The following TBCD variants were observed in gnomAD, a reference collection of about 807,000 sequenced individuals.
The protein encoded by TBCD is tubulin folding cofactor D, also known as tubulin-specific chaperone D.
In TBCD, 105 loss-of-function variants were observed where a neutral mutation model predicts 169.3. The observed-to-expected ratio is 0.62, with a 90% CI of 0.53 to 0.73. The LOEUF (loss-of-function observed/expected upper bound fraction) is 0.73. TBCD is among the 30% of genes least tolerant of loss of function. The pLI is 0.00. For synonymous variants in TBCD, 700 were observed against 643.9 expected (o/e 1.09, Z -1.32); for missense variants, 1,444 against 1,600.1 (o/e 0.90, Z 1.66).
In TBCD at chr17:82,832,394, T is replaced by C; in HGVS notation, c.1318+17460T>C. 6.2e-7 allele frequency: 1 copy of C among 1,614,206 alleles called. No homozygotes were observed. The highest frequency in any genetic ancestry group is 8.5e-7 in the Non-Finnish European group (1 of 1,180,030). On this transcript the variant is annotated intron_variant, in intron 13 of 38. Coordinates refer to ENST00000355528, the MANE Select transcript of TBCD (RefSeq NM_005993.5). The surrounding 1 kb of genome is among the most constrained non-coding windows in gnomAD (Gnocchi z 4.9). ...TGGAAACATTTATACTTGAAGGGCT[T>C]TCCTGGAGGCCTGGGGATGTAATGT...
At chr17:82,798,248 G>T (rs578250888) in intron 8 of TBCD, among the ~76,000 whole-genome samples, 1 of 151,442 alleles carries the variant, frequency 6.6e-6, no homozygotes, top group South Asian at 2.1e-4. Flanking sequence ...CTGGATTCAC[G>T]CCATTCTCCT....
intron 14 of TBCD, among the ~76,000 whole-genome samples, chr17:82,878,433 G>A (rs950255700): frequency 3.3e-5 from 5 of 152,124 alleles, no homozygotes; most frequent in African/African-American, 1.2e-4. Context: ...CCTGCTTTCC[G>A]CCCCTGTGGA....
At position 82,915,793 on chromosome 17, in the gene TBCD, A is replaced by G. The variant is rs113755478; in HGVS notation, c.2038+4004A>G. On this transcript the variant is annotated intron_variant, in intron 23 of 38. Coordinates refer to ENST00000355528, the MANE Select transcript of TBCD (RefSeq NM_005993.5). The surrounding 1 kb of genome is among the most constrained non-coding windows in gnomAD (Gnocchi z 4.3). ...TCATGCCGAAGACGGGAGGGAAACC[A>G]GAGGGACTGGTGAGCCTTGAGTCGG... is the stretch of plus-strand genomic sequence containing the variant. Among the ~76,000 whole-genome samples, 1,067 of 152,286 alleles carry G rather than the reference A, an allele frequency of 7.0e-3. 19 individuals are homozygous for G. Among genetic ancestry groups the G allele is most frequent in the African/African-American group, 0.024 (992 of 41,556 alleles).
intron 13 of TBCD, among the ~76,000 whole-genome samples, chr17:82,846,443 C>T (rs1415307726): frequency 6.7e-6 from 1 of 150,296 alleles, no homozygotes; most frequent in East Asian, 2.0e-4. Flanking sequence ...GTTTCCCCTT[C>T]CCCTTCCTTT....
chr17:82,925,110 T>A, intron 27 of TBCD, 53 bp downstream of exon 27: 1 of 1,400,710 alleles, frequency 7.1e-7, no homozygotes, highest in Non-Finnish European at 9.8e-7. Flanking sequence ...TGTGGGAGCC[T>A]CGTGTGTTGG....
chr17:82,786,752 G>A (rs1041126860), intron 7 of TBCD, among the ~76,000 whole-genome samples: 1 of 152,110 alleles, frequency 6.6e-6, no homozygotes, highest in Non-Finnish European at 1.5e-5. Flanking sequence ...AGTCCTTCTC[G>A]GCTTGGGAGG....
In TBCD at chr17:82,752,308, C is replaced by G. The variant is rs543962889; in HGVS notation, c.115C>G (p.Leu39Val). 429 of 1,492,300 alleles carry G rather than the reference C, an allele frequency of 2.9e-4. 1 individual carries two copies. The African/African-American group carries it at 5.6e-3, about 19-fold the overall frequency. 92.4% of individuals were successfully genotyped at this position (1,492,300 alleles called of 1,614,324 possible). ...AFGESAETRA[L>V]LGRLREVHGG... The stretch of plus-strand genomic sequence containing the variant: ...CGGCGAGAGCGCGGAGACCCGGGCG[C>G]TGCTGGGCCGCCTGCGGGAGGTGCA... The change falls in exon 1 of 39, where the codon CTG (leucine) becomes GTG (valine). Residue 39 changes from leucine (L) to valine (V), a missense_variant. By Grantham distance (32) the Leu-to-Val change is conservative. Transcript: ENST00000355528.
At chr17:82,860,225 A>G (rs1356050454) in intron 13 of TBCD, among the ~76,000 whole-genome samples, 2 of 152,226 alleles carry the variant, frequency 1.3e-5, no homozygotes, top group African/African-American at 2.4e-5. Flanking sequence ...GGGCGTTCCG[A>G]GTGCCAGCGC....
intron 34 of TBCD, among the ~76,000 whole-genome samples, chr17:82,936,393 G>A (rs188058786): frequency 5.3e-5 from 8 of 152,218 alleles, no homozygotes; most frequent in Admixed American, 3.3e-4. Context: ...CCTTCCTTCC[G>A]TGCCCGGTGT....
At chr17:82,763,124 A>G (rs2677914) in intron 2 of TBCD, among the ~76,000 whole-genome samples, 57,427 of 151,992 alleles carry the variant, frequency 0.38, 10,924 homozygotes, top group Middle Eastern at 0.41. Flanking sequence ...TACTTGTTCT[A>G]TCAGTTCCTG....
chr17:82,868,342 G>A (rs1186989676), intron 13 of TBCD, among the ~76,000 whole-genome samples: 1 of 152,148 alleles, frequency 6.6e-6, no homozygotes, highest in African/African-American at 2.4e-5. Flanking sequence ...TGGAGCCCTG[G>A]CAGGCTGGGG....
intron 13 of TBCD, chr17:82,858,542 G>C: frequency 1.0e-6 from 1 of 984,346 alleles, no homozygotes; most frequent in South Asian, 4.7e-5. Context: ...TGAAATTCAG[G>C]TTTTGCTTGT....
chr17:82,802,870 C>T (rs1655431857), intron 9 of TBCD, among the ~76,000 whole-genome samples: 1 of 152,266 alleles, frequency 6.6e-6, no homozygotes, highest in African/African-American at 2.4e-5. Context: ...TAAAGTTAAG[C>T]ATCACAAGCA....
intron 14 of TBCD, among the ~76,000 whole-genome samples, chr17:82,871,858 C>T (rs1352004120): frequency 6.6e-6 from 1 of 152,184 alleles, no homozygotes; most frequent in African/African-American, 2.4e-5. Context: ...CACTGTGGCT[C>T]CTGGGTTCCC....
chr17:82,925,984 ACCT>A (rs2061721121), intron 27 of TBCD, among the ~76,000 whole-genome samples: 7 of 57,840 alleles, frequency 1.2e-4, no homozygotes, highest in Admixed American at 1.7e-4. Context: ...GCTGGAGGTG[ACCT>A]CTCCCCGGGT....
At chr17:82,852,312 G>C (rs1313197300) in intron 13 of TBCD, among the ~76,000 whole-genome samples, 1 of 152,156 alleles carries the variant, frequency 6.6e-6, no homozygotes, top group Admixed American at 6.5e-5. Flanking sequence ...CCCCAGCAGT[G>C]CTCCTTTTCT....
Position 82,893,750 on chromosome 17 carries a change from T to A in TBCD, c.1649+118T>A. 4.0e-6 allele frequency: 3 copies of A among 753,188 alleles called. No homozygotes were observed. The South Asian group carries it at 5.7e-5, about 14-fold the overall frequency. The allele number at this position is 753,188 out of a possible 1,614,324, so 46.7% of individuals were successfully genotyped here. A position where few individuals can be genotyped will look rare whatever the true frequency, so the allele number is the denominator to read the frequency against. On this transcript the variant is annotated intron_variant, in intron 17 of 38. Transcript: ENST00000355528. Reference sequence around the variant, plus strand: ...TAATGTCCACTCAATGGAATGTAGTTTTTGTGTGAAAAATTAAAAATGGAA... The same window carrying A: ...TAATGTCCACTCAATGGAATGTAGTATTTGTGTGAAAAATTAAAAATGGAA...
intron 13 of TBCD, chr17:82,830,247 C>CGACAA: frequency 6.2e-7 from 1 of 1,614,244 alleles, no homozygotes; most frequent in Non-Finnish European, 8.5e-7. Context: ...TTAGACTTGT[C>CGACAA]CTCTTTTGTC....
At chr17:82,851,589 A>T (rs7216324) in intron 13 of TBCD, among the ~76,000 whole-genome samples, 7 of 152,102 alleles carry the variant, frequency 4.6e-5, no homozygotes, top group South Asian at 4.1e-4. Context: ...TGTACAGAAA[A>T]GGAGAAAGGT....
Sources: gnomAD v4.1 joint callset for allele counts (sites outside exome capture counted in the v4.1 genomes callset) on GRCh38, gnomAD v4.1.1 for gene constraint, Gnocchi (gnomAD v3.1) non-coding constraint, MANE v1.5 for transcripts, NCBI Gene and HGNC (gene_info 2026-07-23, HGNC 2026-07-21) for gene names.